BBS4: variants seen among roughly 807,000 people sequenced by gnomAD.
BBS4 encodes Bardet-Biedl syndrome 4.
Under a neutral mutation model 71.4 loss-of-function variants are expected in BBS4, and 58 were observed. The observed-to-expected ratio is 0.81, with a 90% CI of 0.66 to 1.01. The LOEUF (loss-of-function observed/expected upper bound fraction) is 1.01, where lower values mean the gene tolerates loss of function less well. BBS4 is among the 50% of genes least tolerant of loss of function. The probability of loss-of-function intolerance (pLI) is 0.00; values close to 1 mark genes in which losing one functional copy is unlikely to be tolerated. For missense variants in BBS4, 660 were observed against 607.9 expected, an observed-to-expected ratio of 1.09 and a Z score of -0.90; for synonymous variants, 228 against 216.8, an observed-to-expected ratio of 1.05 and a Z score of -0.46.
chr15:72,691,504 A>G (rs560619325), intron 1 of BBS4, among the ~76,000 whole-genome samples: 1 of 152,136 alleles, frequency 6.6e-6, no homozygotes, highest in South Asian at 2.1e-4. Flanking sequence ...GTTTTACCAT[A>G]TATGTTTATA....
At chr15:72,730,073 G>A (rs1323013245) in intron 10 of BBS4, among the ~76,000 whole-genome samples, 14 of 150,898 alleles carry the variant, frequency 9.3e-5, no homozygotes, top group African/African-American at 2.9e-4. Flanking sequence ...TCAGGAGATC[G>A]AGACCATCCT....
chr15:72,733,251 T>G (rs2065860351), intron 12 of BBS4, among the ~76,000 whole-genome samples: 1 of 152,100 alleles, frequency 6.6e-6, no homozygotes, highest in South Asian at 2.1e-4. Context: ...GCCCAGGAGT[T>G]GGGAGTACAG....
chr15:72,735,693 G>A (rs1368910427), intron 13 of BBS4, 132 bp from the exon 14 acceptor site: 14 of 1,150,128 alleles, frequency 1.2e-5, no homozygotes, highest in Non-Finnish European at 1.7e-5. Flanking sequence ...TAGCACGTAT[G>A]TACCTACCTT....
intron 6 of BBS4, among the ~76,000 whole-genome samples, chr15:72,721,267 T>C (rs1251337848): frequency 1.3e-5 from 2 of 152,202 alleles, no homozygotes; most frequent in Admixed American, 1.3e-4. Flanking sequence ...AGTGTGACGA[T>C]GTGGGTAGTT....
chr15:72,691,527 A>G (rs1165631261), intron 1 of BBS4, among the ~76,000 whole-genome samples: 1 of 152,138 alleles, frequency 6.6e-6, no homozygotes, highest in South Asian at 2.1e-4. Flanking sequence ...TATCCTTAAT[A>G]TATTAGTTTT....
chr15:72,702,514 T>C (rs1031269764), intron 2 of BBS4, among the ~76,000 whole-genome samples: 3 of 151,952 alleles, frequency 2.0e-5, no homozygotes, highest in African/African-American at 7.2e-5. Context: ...TAATCTAAGC[T>C]ATAAAGTAAA....
In BBS4 at chr15:72,731,744, G is replaced by A. The variant is rs1324544212; in HGVS notation, c.1036+18G>A. Reference sequence around the variant, plus strand: ...CTTGGCAGGTAAGAAACATTTATGTGGAAAACTCTCTCTGCCATCTGTAAT... The same window carrying A: ...CTTGGCAGGTAAGAAACATTTATGTAGAAAACTCTCTCTGCCATCTGTAAT... On this transcript the variant is annotated intron_variant, in intron 12 of 15. Transcript: ENST00000268057. 1.2e-6 allele frequency: 2 copies of A among 1,613,864 alleles called. No homozygotes were observed. Among genetic ancestry groups the A allele is most frequent in the Non-Finnish European group, 1.7e-6 (2 of 1,179,932 alleles).
chr15:72,727,917 C>T lies in BBS4; in HGVS notation c.588-23C>T, dbSNP rs368145652. 6.9e-6 allele frequency: 11 copies of T among 1,591,080 alleles called. 1 individual carries two copies. The African/African-American group carries it at 9.4e-5, about 14-fold the overall frequency. The stretch of plus-strand genomic sequence containing the variant: ...TGTTTCTCATCTACATCTTGTTTCC[C>T]TCTGAGCATCTCTATGTTGCAGGTT... On this transcript the variant is annotated intron_variant, in intron 8 of 15. Transcript: ENST00000268057.
chr15:72,692,050 G>A (rs2064994365), intron 1 of BBS4, among the ~76,000 whole-genome samples: 1 of 151,684 alleles, frequency 6.6e-6, no homozygotes, highest in South Asian at 2.1e-4. Context: ...TGGAGTAAGA[G>A]TAAGTACCTT....
intron 1 of BBS4, among the ~76,000 whole-genome samples, chr15:72,689,058 A>G (rs762826045): frequency 6.6e-6 from 1 of 152,140 alleles, no homozygotes; most frequent in Non-Finnish European, 1.5e-5. Context: ...GTTACGACTA[A>G]TTGACTTGGA....
chr15:72,736,169 G>C (rs905402327), intron 14 of BBS4, among the ~76,000 whole-genome samples: 3 of 151,614 alleles, frequency 2.0e-5, no homozygotes, highest in African/African-American at 7.3e-5. Context: ...CAGGCTTACT[G>C]AGTTGTTATT....
At chr15:72,712,387 A>C (rs1025121709) in intron 4 of BBS4, 80 bp downstream of exon 4, 4 of 1,372,750 alleles carry the variant, frequency 2.9e-6, no homozygotes, top group Non-Finnish European at 4.1e-6. Flanking sequence ...CAATTGAAGA[A>C]ACAAGTTCAA....
chr15:72,711,438 C>T (rs186592440), intron 3 of BBS4, among the ~76,000 whole-genome samples: 3 of 152,264 alleles, frequency 2.0e-5, no homozygotes, highest in South Asian at 4.1e-4. Flanking sequence ...CGTGAGCCAC[C>T]GCGCCTGGCC....
Position 72,731,727 on chromosome 15 carries a change from G to T in BBS4, c.1036+1G>T. On this transcript the variant is annotated splice_donor_variant, in intron 12 of 15. Transcript: ENST00000268057. LOFTEE classifies it high-confidence loss of function. Reference sequence around the variant, plus strand: ...GGGGAGCTCTACATGCTCTTGGCAGGTAAGAAACATTTATGTGGAAAACTC... The same window carrying T: ...GGGGAGCTCTACATGCTCTTGGCAGTTAAGAAACATTTATGTGGAAAACTC... 1 of 1,614,114 alleles carries T rather than the reference G, an allele frequency of 6.2e-7. No individual in the cohort carries two copies. Among genetic ancestry groups the T allele is most frequent in the Non-Finnish European group, 8.5e-7 (1 of 1,180,034 alleles).
At chr15:72,700,528 A>G (rs1460713812) in intron 2 of BBS4, among the ~76,000 whole-genome samples, 1 of 152,172 alleles carries the variant, frequency 6.6e-6, no homozygotes, top group Non-Finnish European at 1.5e-5. Flanking sequence ...TTTGCATTAC[A>G]CTAATGACTA....
In BBS4 at chr15:72,695,231, C is replaced by T. The variant is rs879108140; in HGVS notation, c.76+3C>T. 2 of 1,580,148 alleles carry T rather than the reference C, an allele frequency of 1.3e-6. No homozygotes were observed. The highest frequency in any genetic ancestry group is 1.1e-5 in the South Asian group (1 of 90,270). On this transcript the variant is annotated splice_donor_region_variant and intron_variant, in intron 2 of 15. Coordinates refer to ENST00000268057, the MANE Select transcript of BBS4 (RefSeq NM_033028.5). Reference sequence around the variant, plus strand: ...TCAAAAACCCCGGCAGAAAAAAGGTCTGTATGCAGTTTCATGGTATGTGTA... The same window carrying T: ...TCAAAAACCCCGGCAGAAAAAAGGTTTGTATGCAGTTTCATGGTATGTGTA...
intron 10 of BBS4, among the ~76,000 whole-genome samples, chr15:72,730,278 CA>C (rs36057641): frequency 0.82 from 108,996 of 133,174 alleles, 44,924 homozygotes; most frequent in Non-Finnish European, 0.89. Flanking sequence ...GACTCTGTCT[CA>C]AAAAAAAAAA....
At chr15:72,704,093 G>A (rs1327550107) in intron 2 of BBS4, among the ~76,000 whole-genome samples, 5 of 152,064 alleles carry the variant, frequency 3.3e-5, no homozygotes, top group Non-Finnish European at 7.4e-5. Context: ...AAGAGAAGTG[G>A]CAAGGGAGTA....
chr15:72,699,606 A>G (rs2065135751), intron 2 of BBS4, among the ~76,000 whole-genome samples: 1 of 152,144 alleles, frequency 6.6e-6, no homozygotes, highest in African/African-American at 2.4e-5. Flanking sequence ...AAGTTTCCTC[A>G]TGCCTTTTTC....
Sources: gnomAD v4.1 joint callset for allele counts (sites outside exome capture counted in the v4.1 genomes callset) on GRCh38, gnomAD v4.1.1 for gene constraint, MANE v1.5 for transcripts, NCBI Gene and HGNC (gene_info 2026-07-23, HGNC 2026-07-21) for gene names.